The following OXR1 variants were observed in gnomAD, a reference collection of about 807,000 sequenced individuals.
OXR1 encodes oxidation resistance protein 1.
A neutral mutation model predicts 104.6 loss-of-function variants in OXR1; 41 were observed. That is an observed-to-expected ratio of 0.39 (90% CI 0.31 to 0.51). The LOEUF is 0.51. Among genes scored for constraint, OXR1 ranks in the 20% least tolerant of loss-of-function variants. The probability of loss-of-function intolerance (pLI) is 0.77; values close to 1 mark genes in which losing one functional copy is unlikely to be tolerated. For missense variants in OXR1, 955 were observed against 1,031.9 expected, an observed-to-expected ratio of 0.93 and a Z score of 1.02; for synonymous variants, 348 against 348.4, an observed-to-expected ratio of 1.00 and a Z score of 0.01.
intron 2 of OXR1, among the ~76,000 whole-genome samples, chr8:106,515,904 T>TA (rs1490123636): frequency 6.6e-6 from 1 of 152,178 alleles, no homozygotes; most frequent in East Asian, 1.9e-4. Context: ...AACTGTGAGA[T>TA]ACAGCTTTCA....
At chr8:106,360,243 TGAA>T (rs1816180180) in intron 2 of OXR1, among the ~76,000 whole-genome samples, 1 of 152,192 alleles carries the variant, frequency 6.6e-6, no homozygotes, top group South Asian at 2.1e-4. Flanking sequence ...TCTATAGCAA[TGAA>T]GAACAATACT....
rs367918936 is a variant in OXR1, at chr8:106,479,124, C to T, written c.24-39819C>T. On this transcript the variant is annotated intron_variant, in intron 2 of 16. Coordinates refer to ENST00000517566, the MANE Select transcript of OXR1 (RefSeq NM_001198533.2). ...TTTCACTTTTACAATTCCATCCTAA[C>T]TAAATACTACATTAACATAAAAAAC... Among the ~76,000 whole-genome samples the T allele has an allele frequency of 5.9e-5, 9 of 151,944 alleles. No individual in the cohort carries two copies. In the East Asian group the frequency reaches 1.6e-3, roughly 26 times the overall value.
intron 3 of OXR1, among the ~76,000 whole-genome samples, chr8:106,556,538 A>G (rs533408273): frequency 6.6e-6 from 1 of 152,076 alleles, no homozygotes; most frequent in Non-Finnish European, 1.5e-5. Flanking sequence ...GGAATACTTA[A>G]TATCTCTCAG....
At chr8:106,340,541 T>G (rs901438253) in intron 1 of OXR1, among the ~76,000 whole-genome samples, 1 of 152,194 alleles carries the variant, frequency 6.6e-6, no homozygotes, top group African/African-American at 2.4e-5. Flanking sequence ...ACTAGCCCCT[T>G]ACATACTTGC....
intron 3 of OXR1, among the ~76,000 whole-genome samples, chr8:106,551,858 ATATGTG>A (rs1815853605): frequency 2.1e-5 from 2 of 94,278 alleles, no homozygotes; most frequent in South Asian, 3.3e-4. Context: ...ATGTGTATAT[ATATGTG>A]TGTGTGTGTG....
intron 2 of OXR1, among the ~76,000 whole-genome samples, chr8:106,516,555 A>G (rs1265741739): frequency 1.3e-5 from 2 of 152,106 alleles, no homozygotes; most frequent in African/African-American, 4.8e-5. Context: ...TCCCAGTGGA[A>G]AAAAAGGGTT....
chr8:106,681,588 T>C (rs1731790032), intron 4 of OXR1, among the ~76,000 whole-genome samples: 1 of 152,010 alleles, frequency 6.6e-6, no homozygotes, highest in African/African-American at 2.4e-5. Flanking sequence ...GCAGTGGTGC[T>C]ATCACAGCTC....
intron 2 of OXR1, among the ~76,000 whole-genome samples, chr8:106,361,129 G>A (rs1471965756): frequency 1.3e-5 from 2 of 152,176 alleles, no homozygotes; most frequent in African/African-American, 4.8e-5. Flanking sequence ...CATGGTTCCA[G>A]CCCAATTGTC....
intron 11 of OXR1, among the ~76,000 whole-genome samples, chr8:106,732,109 G>T (rs1026870183): frequency 2.0e-5 from 3 of 151,994 alleles, no homozygotes; most frequent in Non-Finnish European, 4.4e-5. Flanking sequence ...TATTTTGTTA[G>T]AATTATATGT....
chr8:106,323,824 C>T (rs1443296936), intron 1 of OXR1, among the ~76,000 whole-genome samples: 1 of 152,112 alleles, frequency 6.6e-6, no homozygotes, highest in African/African-American at 2.4e-5. Context: ...CATCTCATGC[C>T]AGTCAGAGTG....
At position 106,618,252 on chromosome 8, in the gene OXR1, A is replaced by T; in HGVS notation, c.221-60958A>T. On this transcript the variant is annotated intron_variant, in intron 3 of 16. Coordinates refer to ENST00000517566, the MANE Select transcript of OXR1 (RefSeq NM_001198533.2). ...GGAAAGTCAGATACAGCGGACATTA[A>T]AGGGCACACTTTATGTTGCATTTTC... 2.5e-6 allele frequency: 3 copies of T among 1,199,536 alleles called. No homozygotes were observed. In the Admixed American group the frequency reaches 5.9e-5, roughly 24 times the overall value. 74.3% of individuals were successfully genotyped at this position (1,199,536 alleles called of 1,614,324 possible).
intron 1 of OXR1, among the ~76,000 whole-genome samples, chr8:106,271,095 G>T (rs565080552): frequency 1.3e-5 from 2 of 152,028 alleles, no homozygotes; most frequent in Admixed American, 1.3e-4. Flanking sequence ...TGGGTGAAGA[G>T]GGGGGGAGCT....
chr8:106,679,406 T>C, intron 4 of OXR1, 114 bp downstream of exon 4: 1 of 479,026 alleles, frequency 2.1e-6, no homozygotes, highest in South Asian at 4.9e-5. Context: ...TTTTTAAAAA[T>C]CTGTATTTCA....
chr8:106,647,046 A>T (rs935514867), intron 3 of OXR1, among the ~76,000 whole-genome samples: 1 of 152,206 alleles, frequency 6.6e-6, no homozygotes. Context: ...TAAAAATAGA[A>T]CTGGAATAAT....
At position 106,740,410 on chromosome 8, in the gene OXR1, A is replaced by G; in HGVS notation, c.2231A>G (p.His744Arg). 6.2e-7 allele frequency: 1 copy of G among 1,613,340 alleles called. No individual in the cohort carries two copies. Among genetic ancestry groups the G allele is most frequent in the Non-Finnish European group, 8.5e-7 (1 of 1,179,428 alleles). The change falls in exon 14 of 17, where the codon CAT (histidine) becomes CGT (arginine). Residue 744 changes from histidine to arginine, a missense_variant. By Grantham distance (29) the His-to-Arg change is conservative (BLOSUM62 0). Transcript: ENST00000517566. ...ACTCTTGTTTATGGTACTGGAAAAC[A>G]TGGCACAAGCTTGAAAACTCTTTAT... ...PWTLVYGTGK[H>R]GTSLKTLYRT...
intron 1 of OXR1, among the ~76,000 whole-genome samples, chr8:106,337,677 T>G (rs761571573): frequency 4.6e-5 from 7 of 152,214 alleles, no homozygotes. Context: ...TCTCAGAGTT[T>G]CAAACATAAA....
chr8:106,589,144 C>G (rs1818881993), intron 3 of OXR1, among the ~76,000 whole-genome samples: 1 of 152,160 alleles, frequency 6.6e-6, no homozygotes, highest in African/African-American at 2.4e-5. Context: ...AGAGAGCGAG[C>G]AGGTGCTGAT....
At chr8:106,590,931 G>T (rs10955426) in intron 3 of OXR1, among the ~76,000 whole-genome samples, 24,848 of 152,012 alleles carry the variant, frequency 0.16, 2,225 homozygotes, top group East Asian at 0.37. Context: ...GGTAGCATGA[G>T]TGGACCTGGA....
intron 2 of OXR1, among the ~76,000 whole-genome samples, chr8:106,371,363 AT>A (rs946343571): frequency 1.3e-5 from 2 of 150,290 alleles, no homozygotes; most frequent in Non-Finnish European, 1.5e-5. Flanking sequence ...GGATTCATTG[AT>A]TTTTTTGGAG....
Sources: allele counts gnomAD v4.1 joint callset (sites outside exome capture counted in the v4.1 genomes callset), GRCh38; gene constraint gnomAD v4.1.1; transcripts MANE v1.5; gene names NCBI Gene and HGNC (gene_info 2026-07-23, HGNC 2026-07-21).